VAV3: variants seen among roughly 807,000 people sequenced by gnomAD.
The protein encoded by VAV3 is guanine nucleotide exchange factor VAV3.
VAV3 carries 94 observed loss-of-function variants against 131.2 expected under a neutral mutation model. That is an observed-to-expected ratio of 0.72 (90% CI 0.61 to 0.85). The LOEUF (loss-of-function observed/expected upper bound fraction) is 0.85. Ranked by LOEUF, VAV3 falls within the 40% of genes least tolerant of loss-of-function variation. The pLI is 0.00. For missense variants in VAV3, 939 were observed against 1,002.7 expected (o/e 0.94, Z 0.86); for synonymous variants, 349 against 342.0 (o/e 1.02, Z -0.22).
intron 20 of VAV3, among the ~76,000 whole-genome samples, chr1:107,622,802 G>A (rs1304991955): frequency 1.3e-5 from 2 of 152,174 alleles, no homozygotes; most frequent in Admixed American, 1.3e-4. Flanking sequence ...CAGGTTGAGT[G>A]TTTGGGGAAA....
intron 15 of VAV3, among the ~76,000 whole-genome samples, chr1:107,736,085 A>G (rs1662609809): frequency 6.6e-6 from 1 of 152,230 alleles, no homozygotes; most frequent in South Asian, 2.1e-4. Flanking sequence ...TTCATCACAT[A>G]AACAGAATCA....
At chr1:107,899,565 C>T (rs1423919853) in intron 1 of VAV3, among the ~76,000 whole-genome samples, 2 of 152,160 alleles carry the variant, frequency 1.3e-5, no homozygotes, top group Non-Finnish European at 2.9e-5. Flanking sequence ...AAGGAGCCAG[C>T]CACATGTGAG....
intron 2 of VAV3, among the ~76,000 whole-genome samples, chr1:107,789,411 CT>C (rs1666176995): frequency 6.6e-6 from 1 of 152,200 alleles, no homozygotes; most frequent in African/African-American, 2.4e-5. Context: ...GATGCTCCAT[CT>C]TTTGTCCCAG....
At chr1:107,764,728 G>A (rs988920915) in intron 9 of VAV3, among the ~76,000 whole-genome samples, 2 of 152,058 alleles carry the variant, frequency 1.3e-5, no homozygotes, top group African/African-American at 2.4e-5. Context: ...ATTATCTAAC[G>A]TATCTCACTC....
chr1:107,753,541 T>TAC (rs1449924182), intron 12 of VAV3, among the ~76,000 whole-genome samples: 16,994 of 88,052 alleles, frequency 0.19, 1,888 homozygotes, highest in Non-Finnish European at 0.23. Context: ...TATATATATA[T>TAC]ATATATATAC....
chr1:107,723,284 T>G (rs1408233293), intron 15 of VAV3, among the ~76,000 whole-genome samples: 4 of 152,150 alleles, frequency 2.6e-5, no homozygotes, highest in Admixed American at 2.0e-4. Flanking sequence ...AGCGCCCATC[T>G]GATGTCACAG....
intron 22 of VAV3, among the ~76,000 whole-genome samples, chr1:107,604,839 C>A (rs1158662533): frequency 6.6e-6 from 1 of 152,164 alleles, no homozygotes; most frequent in East Asian, 1.9e-4. Context: ...TTCCATCAGA[C>A]CAGCATTCTA....
chr1:107,780,811 C>T (rs144422885), intron 2 of VAV3, among the ~76,000 whole-genome samples: 1,655 of 152,158 alleles, frequency 0.011, 11 homozygotes, highest in South Asian at 0.031. Flanking sequence ...CCACTGTGCC[C>T]GGCCATAAAG....
chr1:107,727,813 A>G (rs1269455263), intron 15 of VAV3, among the ~76,000 whole-genome samples: 2 of 152,216 alleles, frequency 1.3e-5, no homozygotes, highest in Non-Finnish European at 2.9e-5. Context: ...AAAACCAAGG[A>G]TTCTCTTAAA....
chr1:107,774,643 G>C (rs1287632852), intron 4 of VAV3, among the ~76,000 whole-genome samples: 1 of 152,098 alleles, frequency 6.6e-6, no homozygotes, highest in Admixed American at 6.5e-5. Context: ...CATGTCTGGC[G>C]CCCTGATACT....
intron 2 of VAV3, among the ~76,000 whole-genome samples, chr1:107,806,356 G>C (rs1197760913): frequency 2.6e-5 from 4 of 151,984 alleles, no homozygotes; most frequent in Admixed American, 2.0e-4. Flanking sequence ...CCATCTGCTT[G>C]GAGTGTCTTT....
chr1:107,603,862 T>C (rs538619057), intron 22 of VAV3, among the ~76,000 whole-genome samples: 3 of 151,748 alleles, frequency 2.0e-5, no homozygotes, highest in East Asian at 1.9e-4. Flanking sequence ...CTGGAGTGCA[T>C]GGCACCATCC....
rs531128402 is a variant in VAV3, at chr1:107,950,441, G to A, written c.204+14225C>T. Among the ~76,000 whole-genome samples, 122 of 152,302 alleles carry A rather than the reference G, an allele frequency of 8.0e-4. 1 individual carries two copies. The highest frequency in any genetic ancestry group is 2.9e-3 in the African/African-American group (121 of 41,558). On this transcript the variant is annotated intron_variant, in intron 1 of 26. Coordinates refer to ENST00000370056, the MANE Select transcript of VAV3 (RefSeq NM_006113.5). Reference sequence around the variant, plus strand: ...GACTAGTTGAGCTTGCTGGTACTAAGCGAGAGTTAGGGATTCAGGGTGTCT... The same window carrying A: ...GACTAGTTGAGCTTGCTGGTACTAAACGAGAGTTAGGGATTCAGGGTGTCT...
chr1:107,828,094 G>A (rs1313913236), intron 2 of VAV3, among the ~76,000 whole-genome samples: 1 of 152,160 alleles, frequency 6.6e-6, no homozygotes, highest in African/African-American at 2.4e-5. Flanking sequence ...TTTGGTGAGT[G>A]AATTTGAAGG....
At chr1:107,751,805 AT>A (rs753088114) in intron 12 of VAV3, among the ~76,000 whole-genome samples, 3 of 152,214 alleles carry the variant, frequency 2.0e-5, no homozygotes, top group Non-Finnish European at 4.4e-5. Context: ...TAACTAAATT[AT>A]TTTTAAGTGT....
At chr1:107,751,265 A>G in intron 12 of VAV3, 63 bp from the exon 13 acceptor site, 1 of 1,306,764 alleles carries the variant, frequency 7.7e-7, no homozygotes, top group Middle Eastern at 1.9e-4. Flanking sequence ...AACAAATATT[A>G]GTAGAGATAT....
intron 1 of VAV3, among the ~76,000 whole-genome samples, chr1:107,958,714 G>C (rs145830181): frequency 0.033 from 5,078 of 152,194 alleles, 122 homozygotes; most frequent in South Asian, 0.13. Context: ...TGCCATGGTG[G>C]TTTCCTGCAC....
At chr1:107,625,908 T>C (rs1266752205) in intron 20 of VAV3, among the ~76,000 whole-genome samples, 1 of 152,168 alleles carries the variant, frequency 6.6e-6, no homozygotes, top group South Asian at 2.1e-4. Flanking sequence ...CACAAACTTT[T>C]AGTCATTATG....
chr1:107,899,207 A>T (rs1414316944), intron 1 of VAV3, among the ~76,000 whole-genome samples: 1 of 152,222 alleles, frequency 6.6e-6, no homozygotes, highest in Non-Finnish European at 1.5e-5. Flanking sequence ...ATAAATTATG[A>T]AAGTATCTAT....
Sources: gnomAD v4.1 joint callset for allele counts (sites outside exome capture counted in the v4.1 genomes callset) on GRCh38, gnomAD v4.1.1 for gene constraint, MANE v1.5 for transcripts, NCBI Gene and HGNC (gene_info 2026-07-23, HGNC 2026-07-21) for gene names.